Variants in ADAMTS7 observed in about 807,000 individuals in gnomAD.
ADAMTS7 encodes the protein A disintegrin and metalloproteinase with thrombospondin motifs 7.
A neutral mutation model predicts 172.6 loss-of-function variants in ADAMTS7; 89 were observed. That is an observed-to-expected ratio of 0.52 (90% CI 0.43 to 0.61). ADAMTS7 has a LOEUF of 0.61. ADAMTS7 is among the 20% of genes least tolerant of loss of function. ADAMTS7 has a pLI of 0.00. For missense variants in ADAMTS7, 1,973 were observed against 2,355.6 expected (o/e 0.84, Z 3.36); for synonymous variants, 885 against 978.4 (o/e 0.90, Z 1.78).
chr15:78,797,645 AG>A (rs1239335965), intron 3 of ADAMTS7, among the ~76,000 whole-genome samples: 1 of 152,184 alleles, frequency 6.6e-6, no homozygotes, highest in African/African-American at 2.4e-5. Context: ...TGGCAGAGCC[AG>A]GTACCATAGG....
At chr15:78,768,998 C>T (rs1180985864) in intron 16 of ADAMTS7, among the ~76,000 whole-genome samples, 2 of 152,154 alleles carry the variant, frequency 1.3e-5, no homozygotes, top group Admixed American at 6.5e-5. Context: ...TTGAAGAGCT[C>T]GTGGCTGGAG....
intron 16 of ADAMTS7, among the ~76,000 whole-genome samples, chr15:78,769,308 G>T (rs2055208767): frequency 6.6e-6 from 1 of 152,138 alleles, no homozygotes; most frequent in Non-Finnish European, 1.5e-5. Context: ...TGCCTTCTCT[G>T]CTCCACCCCC....
intron 8 of ADAMTS7, among the ~76,000 whole-genome samples, chr15:78,779,955 T>A (rs1011458053): frequency 1.4e-4 from 21 of 146,856 alleles, no homozygotes; most frequent in Non-Finnish European, 2.7e-4. Context: ...CCTCACAGAA[T>A]CCACTGTGAG....
At chr15:78,779,357 CATA>C (rs2055398273) in intron 8 of ADAMTS7, among the ~76,000 whole-genome samples, 2 of 152,148 alleles carry the variant, frequency 1.3e-5, no homozygotes, top group African/African-American at 4.8e-5. Flanking sequence ...ACTCAGGGCC[CATA>C]GGTCACTGGC....
In ADAMTS7 at chr15:78,759,362, C is replaced by G; in HGVS notation, c.*59G>C. The G allele has an allele frequency of 6.7e-7, 1 of 1,500,374 alleles. No individual in the cohort carries two copies. Among genetic ancestry groups the G allele is most frequent in the East Asian group, 2.4e-5 (1 of 41,506 alleles). The allele number at this position is 1,500,374 out of a possible 1,614,324, so 92.9% of individuals were successfully genotyped here. On this transcript the variant is annotated 3_prime_UTR_variant, in exon 24 of 24. Coordinates refer to ENST00000388820, the MANE Select transcript of ADAMTS7 (RefSeq NM_014272.5). ...CATTAGGGCGCAGGGGGCGGGAGCTCCGCCACAGCCCGTGGTGGGCACTGA... is the reference window on the plus strand; with the variant it reads ...CATTAGGGCGCAGGGGGCGGGAGCTGCGCCACAGCCCGTGGTGGGCACTGA...
chr15:78,800,567 A>G lies in ADAMTS7; in HGVS notation c.101-20T>C, dbSNP rs1241209134. ...CACGTCCTGCAGGGAGAGAACCACA[A>G]ACGCCTAGGCCCAGGGCAGACCCGG... On this transcript the variant is annotated intron_variant, in intron 1 of 23. Coordinates refer to ENST00000388820, the MANE Select transcript of ADAMTS7 (RefSeq NM_014272.5). The G allele has an allele frequency of 1.3e-6, 2 of 1,568,216 alleles. No homozygotes were observed. The highest frequency in any genetic ancestry group is 1.7e-6 in the Non-Finnish European group (2 of 1,156,614).
intron 5 of ADAMTS7, 142 bp downstream of exon 5, chr15:78,790,998 A>AC: frequency 8.1e-7 from 1 of 1,229,324 alleles, no homozygotes. Context: ...TCAGTCAGGA[A>AC]CCAGGGGGTG....
intron 17 of ADAMTS7, 52 bp downstream of exon 17, chr15:78,768,081 G>A (rs2055187456): frequency 8.6e-7 from 1 of 1,157,196 alleles, no homozygotes; most frequent in Non-Finnish European, 1.2e-6. Context: ...TGGGGGTGGG[G>A]AGTTGGCGGG....
At chr15:78,778,494 G>A (rs1246094463) in intron 8 of ADAMTS7, among the ~76,000 whole-genome samples, 1 of 152,238 alleles carries the variant, frequency 6.6e-6, no homozygotes, top group African/African-American at 2.4e-5. Context: ...GCCCTGGCAT[G>A]CTGACCACCC....
Position 78,790,787 on chromosome 15 carries a change from A to T in ADAMTS7, c.911T>A (p.Leu304Gln). 1.2e-6 allele frequency: 2 copies of T among 1,613,606 alleles called. No homozygotes were observed. The highest frequency in any genetic ancestry group is 4.5e-5 in the East Asian group (2 of 44,870). Residue 304 changes from leucine (L) to glutamine (Q), a missense_variant, in exon 6 of 24, where the codon CTA becomes CAA. Leu to Gln is a moderately radical substitution (Grantham distance 113). Transcript: ENST00000388820. ...GTTGTCTGCATGGTGCGTGATCTTT[A>T]GGTCCTCCTGGGGGCAGAGAGAGTG... ...LVLLEDEEED[L>Q]KITHHADNTL...
intron 11 of ADAMTS7, among the ~76,000 whole-genome samples, chr15:78,775,318 G>A (rs7171347): frequency 0.34 from 50,973 of 151,744 alleles, 8,968 homozygotes; most frequent in African/African-American, 0.43. Flanking sequence ...CACAGCTCCT[G>A]AAATCCTCCG....
chr15:78,807,142 G>A (rs1424962309), intron 1 of ADAMTS7, among the ~76,000 whole-genome samples: 2 of 152,210 alleles, frequency 1.3e-5, no homozygotes, highest in African/African-American at 4.8e-5. Flanking sequence ...AGCTAAAGAT[G>A]AGCTGAAGGT....
Position 78,764,006 on chromosome 15 carries a change from G to A in ADAMTS7, c.4513C>T (p.Pro1505Ser). ...LRPLRPFHCQ[P>S]GPAKPPAHRP... Reference sequence around the variant, plus strand: ...TGCGCAGGCGGCTTGGCAGGCCCGGGCTGACAATGGAAGGGCCGCAGTGGC... The same window carrying A: ...TGCGCAGGCGGCTTGGCAGGCCCGGACTGACAATGGAAGGGCCGCAGTGGC... The change falls in exon 21 of 24, where the codon CCC becomes TCC. Residue 1505 changes from proline (P) to serine (S), a missense_variant. Pro to Ser is a moderately conservative substitution (Grantham distance 74). This residue lies in a region of ADAMTS7 where 218 missense variants were observed against 216.9 expected (regional missense o/e 1.01). Coordinates refer to ENST00000388820, the MANE Select transcript of ADAMTS7 (RefSeq NM_014272.5). 6.5e-7 allele frequency: 1 copy of A among 1,543,486 alleles called. No individual in the cohort carries two copies.
chr15:78,797,979 A>T lies in ADAMTS7; in HGVS notation c.591T>A (p.Asp197Glu), dbSNP rs374065222. ...CTCCACAGGTGCTTGGAGCACTGGA[A>T]TCACCCCGCTGTGCCAGCCTCTCCG... The part of the protein sequence containing the change: ...QAPERLAQRG[D>E]SSAPSTCGVQ... The change falls in exon 3 of 24, where the codon GAT becomes GAA. Residue 197 changes from aspartate (D) to glutamate (E), a missense_variant. Coordinates refer to ENST00000388820, the MANE Select transcript of ADAMTS7 (RefSeq NM_014272.5). 6 of 1,597,326 alleles carry T rather than the reference A, an allele frequency of 3.8e-6. No homozygotes were observed. Among genetic ancestry groups the T allele is most frequent in the Non-Finnish European group, 4.3e-6 (5 of 1,173,556 alleles).
intron 1 of ADAMTS7, among the ~76,000 whole-genome samples, chr15:78,809,971 CA>C (rs2055843142): frequency 6.6e-6 from 1 of 152,252 alleles, no homozygotes. Context: ...GCTGCTAGAC[CA>C]AATCTTTCCA....
In ADAMTS7 at chr15:78,788,290, G is replaced by A. The variant is rs374159539; in HGVS notation, c.1263C>T (p.Tyr421=). The change falls in exon 8 of 24, where the codon TAC becomes TAT. Residue 421 remains tyrosine, a synonymous_variant. Coordinates refer to ENST00000388820, the MANE Select transcript of ADAMTS7 (RefSeq NM_014272.5). Reference sequence around the variant, plus strand: ...GGGACCAGGTGAGGGGAGCGGCGTCGTACAGGAGCTGTGGAGACATGATGA... The same window carrying A: ...GGGACCAGGTGAGGGGAGCGGCGTCATACAGGAGCTGTGGAGACATGATGA... ...RPFIMSPQLL[Y]DAAPLTWSRC... is the part of the protein sequence containing the mutation. The A allele has an allele frequency of 4.2e-5, 68 of 1,613,662 alleles. No homozygotes were observed. The highest frequency in any genetic ancestry group is 1.6e-4 in the South Asian group (15 of 91,076).
intron 14 of ADAMTS7, among the ~76,000 whole-genome samples, chr15:78,772,221 G>T (rs1158382577): frequency 2.0e-5 from 3 of 152,138 alleles, no homozygotes; most frequent in African/African-American, 7.2e-5. Context: ...TCACGTGCCA[G>T]GCACTACTCT....
In ADAMTS7 at chr15:78,788,363, T is replaced by C; in HGVS notation, c.1190A>G (p.Gln397Arg). ...ACAGTCATTGCCGCTTCCGTCATGC[T>C]GAATGCCAAAACTGTGTGAGAGCAC... ...AHELGHSFGI[Q>R]HDGSGNDCEP... The change falls in exon 8 of 24, where the codon CAG becomes CGG. Residue 397 changes from glutamine to arginine, a missense_variant. Around this residue, in one of 8 missense-constraint regions of ADAMTS7, gnomAD observed 526 missense variants for 662.9 expected, o/e 0.79. Transcript: ENST00000388820. 3.1e-6 allele frequency: 5 copies of C among 1,612,880 alleles called. No individual in the cohort carries two copies. The highest frequency in any genetic ancestry group is 4.2e-6 in the Non-Finnish European group (5 of 1,179,956).
chr15:78,808,273 G>A (rs1385705636), intron 1 of ADAMTS7, among the ~76,000 whole-genome samples: 2 of 152,096 alleles, frequency 1.3e-5, no homozygotes, highest in African/African-American at 4.8e-5. Flanking sequence ...GTCTCCCTGT[G>A]TCACCCAGGC....
Sources: allele counts gnomAD v4.1 joint callset (sites outside exome capture counted in the v4.1 genomes callset), GRCh38; gene constraint gnomAD v4.1.1; regional missense constraint gnomAD v4.1.1; transcripts MANE v1.5; gene names NCBI Gene and HGNC (gene_info 2026-07-23, HGNC 2026-07-21).